UGT3A1: variants seen among roughly 807,000 people sequenced by gnomAD.
UGT3A1 encodes the protein UDP-glycosyltransferase 3A1.
A neutral mutation model predicts 37.6 loss-of-function variants in UGT3A1; 40 were observed. The ratio of observed to expected loss-of-function variants is 1.06; its 90% CI spans 0.83 to 1.38. The LOEUF (loss-of-function observed/expected upper bound fraction) is 1.38, where lower values mean the gene tolerates loss of function less well. UGT3A1 is among the 40% of genes most tolerant of loss of function. UGT3A1 has a pLI of 0.00. For missense variants in UGT3A1, 642 were observed against 634.2 expected (o/e 1.01, Z -0.13); for synonymous variants, 256 against 232.3 (o/e 1.10, Z -0.93).
intron 2 of UGT3A1, among the ~76,000 whole-genome samples, chr5:35,985,656 C>T (rs927963015): frequency 7.2e-5 from 11 of 152,058 alleles, no homozygotes; most frequent in Non-Finnish European, 8.8e-5. Context: ...ACTGGATATA[C>T]GCAAAGAACA....
intron 5 of UGT3A1, among the ~76,000 whole-genome samples, chr5:35,956,877 ACT>A (rs1343962556): frequency 6.6e-6 from 1 of 152,098 alleles, no homozygotes; most frequent in Non-Finnish European, 1.5e-5. Flanking sequence ...TGTTGGGGTG[ACT>A]CTGTTCAGTG....
rs2149943456 is a variant in UGT3A1 at position 35,953,123 on chromosome 5, T to C, written c.*1079A>G. On this transcript the variant is annotated 3_prime_UTR_variant, in exon 7 of 7. Coordinates refer to ENST00000274278, the MANE Select transcript of UGT3A1 (RefSeq NM_152404.4). ...CAGTTTTATTACAGTGGAATTTCAT[T>C]TTATTTCAGAACTCTAAAGCAAATA... is the stretch of plus-strand genomic sequence containing the variant. 6.6e-6 allele frequency: 1 copy of C among 152,472 alleles called. No homozygotes were observed. Among genetic ancestry groups the C allele is most frequent in the East Asian group, 1.9e-4 (1 of 5,334 alleles). 9.4% of individuals were successfully genotyped at this position (152,472 alleles called of 1,614,324 possible).
chr5:35,963,910 C>G (rs1366539068), intron 4 of UGT3A1, among the ~76,000 whole-genome samples: 1 of 152,176 alleles, frequency 6.6e-6, no homozygotes, highest in African/African-American at 2.4e-5. Context: ...AAATGGAAAC[C>G]ACTTTGTTCT....
rs981105704 is a variant in UGT3A1, at chr5:35,957,107, T to C, written c.1075+81A>G. ...TAGCTACTACGTAGGCTGATACAAA[T>C]GCCCAGCTAGAGGTCAGAACACTGA... On this transcript the variant is annotated intron_variant, in intron 5 of 6. Coordinates refer to ENST00000274278, the MANE Select transcript of UGT3A1 (RefSeq NM_152404.4). 5.0e-5 allele frequency: 60 copies of C among 1,206,818 alleles called. No individual in the cohort carries two copies. In the Admixed American group the frequency reaches 1.0e-3, roughly 21 times the overall value. 74.8% of individuals were successfully genotyped at this position (1,206,818 alleles called of 1,614,324 possible). A position where few individuals can be genotyped will look rare whatever the true frequency, so the allele number is the denominator to read the frequency against.
At chr5:35,982,217 C>T (rs1349683908) in intron 2 of UGT3A1, among the ~76,000 whole-genome samples, 1 of 152,238 alleles carries the variant, frequency 6.6e-6, no homozygotes, top group Non-Finnish European at 1.5e-5. Context: ...GAAGCCCTCA[C>T]ACAAAGTCCC....
At chr5:35,994,151 A>G (rs890218143), upstream of UGT3A1, among the ~76,000 whole-genome samples, 5 of 152,174 alleles carry the variant, frequency 3.3e-5, no homozygotes, top group African/African-American at 1.2e-4. Flanking sequence ...TCACTAGGTA[A>G]AGAACAGGTT....
chr5:35,992,679 G>C (rs1356315265), upstream of UGT3A1, among the ~76,000 whole-genome samples: 1 of 152,052 alleles, frequency 6.6e-6, no homozygotes, highest in Non-Finnish European at 1.5e-5. Flanking sequence ...GATATGAAAG[G>C]TCAGGTATTA....
rs1280869970 is a variant in UGT3A1, at chr5:35,955,626, T to C, written c.1295+19A>G. ...TCTTCATTCAGCCTTAGTGACCACA[T>C]GCTTAGAGAGCCACATACCTCTTGT... is the stretch of plus-strand genomic sequence containing the variant. On this transcript the variant is annotated intron_variant, in intron 6 of 6. Coordinates refer to ENST00000274278, the MANE Select transcript of UGT3A1 (RefSeq NM_152404.4). The C allele has an allele frequency of 6.2e-7, 1 of 1,613,882 alleles. No individual in the cohort carries two copies. Among genetic ancestry groups the C allele is most frequent in the Non-Finnish European group, 8.5e-7 (1 of 1,179,820 alleles).
intron 2 of UGT3A1, among the ~76,000 whole-genome samples, chr5:35,987,783 A>G (rs1043152862): frequency 3.3e-5 from 5 of 152,028 alleles, no homozygotes; most frequent in African/African-American, 1.2e-4. Context: ...GATTCGCCCA[A>G]CTCTGTTATT....
chr5:35,971,487 C>A (rs370867188), intron 2 of UGT3A1, among the ~76,000 whole-genome samples: 2 of 139,288 alleles, frequency 1.4e-5, no homozygotes, highest in African/African-American at 5.1e-5. Context: ...CACACACACA[C>A]ACACATACAC....
intron 1 of UGT3A1, chr5:35,990,896 G>A (rs1740918367): frequency 7.6e-7 from 1 of 1,321,046 alleles, no homozygotes; most frequent in Non-Finnish European, 9.8e-7. Flanking sequence ...CCTGCGGGAC[G>A]GGGAGCGCGT....
chr5:35,987,791 A>G (rs1740784027), intron 2 of UGT3A1, among the ~76,000 whole-genome samples: 1 of 152,180 alleles, frequency 6.6e-6, no homozygotes, highest in African/African-American at 2.4e-5. Context: ...CAACTCTGTT[A>G]TTAATTTTTC....
At position 35,965,549 on chromosome 5, in the gene UGT3A1, T is replaced by C; in HGVS notation, c.680A>G (p.Glu227Gly). The change falls in exon 4 of 7, where the codon GAG (glutamate) becomes GGG (glycine). Residue 227 changes from glutamate to glycine, a missense_variant. Transcript: ENST00000274278. Reference protein sequence around the residue: ...MQSTFDNTIKEHFPEGSRPVL... With the variant: ...MQSTFDNTIKGHFPEGSRPVL... ...TGGCCTAGAGCCTTCTGGGAAATGC[T>C]CCTTGATGGTGTTGTCAAATGTAGA... 2 of 1,614,220 alleles carry C rather than the reference T, an allele frequency of 1.2e-6. No individual in the cohort carries two copies. The highest frequency in any genetic ancestry group is 1.1e-5 in the South Asian group (1 of 91,080).
chr5:35,981,315 G>A (rs962554093), intron 2 of UGT3A1, among the ~76,000 whole-genome samples: 7 of 152,170 alleles, frequency 4.6e-5, no homozygotes, highest in African/African-American at 1.4e-4. Flanking sequence ...ATATGAGAAT[G>A]AGACAGTTCC....
chr5:35,964,188 C>G (rs992240573), intron 4 of UGT3A1, among the ~76,000 whole-genome samples: 3 of 152,100 alleles, frequency 2.0e-5, no homozygotes, highest in African/African-American at 7.2e-5. Flanking sequence ...TCTGTTATCT[C>G]ATAATCTCAA....
intron 4 of UGT3A1, chr5:35,961,555 G>A (rs922497881): frequency 2.0e-5 from 3 of 152,140 alleles, no homozygotes; most frequent in African/African-American, 4.8e-5. Context: ...GTATAGAAGC[G>A]GTTCAACTTT....
intron 2 of UGT3A1, among the ~76,000 whole-genome samples, chr5:35,979,873 A>T (rs1479201026): frequency 6.6e-6 from 1 of 152,234 alleles, no homozygotes; most frequent in Non-Finnish European, 1.5e-5. Context: ...GGCAGAAGGC[A>T]TGTCTTACAT....
chr5:35,973,381 G>A (rs1740130790), intron 2 of UGT3A1, among the ~76,000 whole-genome samples: 1 of 152,138 alleles, frequency 6.6e-6, no homozygotes, highest in African/African-American at 2.4e-5. Context: ...ATGGTGAAAG[G>A]TATGTAAAGT....
At chr5:35,966,969 A>G (rs1739832284) in intron 3 of UGT3A1, among the ~76,000 whole-genome samples, 1 of 152,232 alleles carries the variant, frequency 6.6e-6, no homozygotes, top group South Asian at 2.1e-4. Context: ...ATAAAGAATG[A>G]TTTTTAAATA....
Sources: allele counts gnomAD v4.1 joint callset (sites outside exome capture counted in the v4.1 genomes callset), GRCh38; gene constraint gnomAD v4.1.1; transcripts MANE v1.5; gene names NCBI Gene and HGNC (gene_info 2026-07-23, HGNC 2026-07-21).